LEKR1: variants seen among roughly 807,000 people sequenced by gnomAD.
The protein encoded by LEKR1 is protein LEKR1.
A neutral mutation model predicts 72.4 loss-of-function variants in LEKR1; 59 were observed. The observed-to-expected ratio is 0.82, with a 90% CI of 0.66 to 1.01. The LOEUF (loss-of-function observed/expected upper bound fraction) is 1.01, where lower values mean the gene tolerates loss of function less well. LEKR1 is among the 50% of genes least tolerant of loss of function. LEKR1 has a pLI of 0.00. For missense variants in LEKR1, 728 were observed against 759.2 expected (o/e 0.96, Z 0.48); for synonymous variants, 257 against 263.2 (o/e 0.98, Z 0.23).
intron 5 of LEKR1, among the ~76,000 whole-genome samples, chr3:156,933,778 G>A (rs1051108719): frequency 2.0e-5 from 3 of 152,168 alleles, no homozygotes; most frequent in Admixed American, 1.3e-4. Flanking sequence ...ACATAGCTGG[G>A]AACAGTTATA....
At chr3:156,983,723 C>A (rs1278398668) in intron 7 of LEKR1, among the ~76,000 whole-genome samples, 1 of 152,184 alleles carries the variant, frequency 6.6e-6, no homozygotes, top group African/African-American at 2.4e-5. Flanking sequence ...CTGGCAGCTA[C>A]TGAATCCCAG....
intron 2 of LEKR1, among the ~76,000 whole-genome samples, chr3:156,834,681 G>A (rs1399940830): frequency 6.6e-6 from 1 of 152,156 alleles, no homozygotes; most frequent in Non-Finnish European, 1.5e-5. Flanking sequence ...TCAGAGGACA[G>A]GGCTAACTCC....
At chr3:156,897,953 C>CAA (rs553211208) in intron 3 of LEKR1, among the ~76,000 whole-genome samples, 46 of 94,976 alleles carry the variant, frequency 4.8e-4, no homozygotes, top group African/African-American at 8.9e-4. Flanking sequence ...ACTCTGTCTC[C>CAA]AAAAAAAAAA....
chr3:156,989,743 T>C, intron 7 of LEKR1, among the ~76,000 whole-genome samples: 1 of 152,126 alleles, frequency 6.6e-6, no homozygotes, highest in Non-Finnish European at 1.5e-5. Flanking sequence ...CACCTAGTGT[T>C]AACATTTTAA....
chr3:156,983,244 G>A (rs1029483029), intron 7 of LEKR1, among the ~76,000 whole-genome samples: 22 of 152,146 alleles, frequency 1.4e-4, no homozygotes, highest in Non-Finnish European at 2.6e-4. Context: ...AATAACCCAG[G>A]TGAAGAGCAA....
chr3:157,030,966 C>T (rs913027368), intron 12 of LEKR1, among the ~76,000 whole-genome samples: 1 of 152,126 alleles, frequency 6.6e-6, no homozygotes, highest in Non-Finnish European at 1.5e-5. Context: ...TTTTTGCAAC[C>T]TAATCTCGGA....
intron 2 of LEKR1, among the ~76,000 whole-genome samples, chr3:156,831,340 A>C (rs951885674): frequency 6.6e-6 from 1 of 152,246 alleles, no homozygotes; most frequent in African/African-American, 2.4e-5. Context: ...CTAGTCATTT[A>C]CACCTACATA....
At chr3:156,994,857 T>A (rs1169163627) in intron 9 of LEKR1, among the ~76,000 whole-genome samples, 1 of 152,206 alleles carries the variant, frequency 6.6e-6, no homozygotes, top group East Asian at 1.9e-4. Context: ...GCCAGATTAA[T>A]TAGGCTTAAT....
chr3:156,888,395 T>A (rs761627780), intron 3 of LEKR1: 3 of 701,182 alleles, frequency 4.3e-6, no homozygotes, highest in Non-Finnish European at 7.8e-6. Flanking sequence ...GAGCCATACA[T>A]AGGTCTGTGA....
intron 2 of LEKR1, among the ~76,000 whole-genome samples, chr3:156,839,103 CTGT>C (rs1560015012): frequency 6.6e-6 from 1 of 152,150 alleles, no homozygotes; most frequent in Non-Finnish European, 1.5e-5. Flanking sequence ...TAGGCCAAAT[CTGT>C]TGTTTTGTGC....
chr3:156,907,355 C>T (rs1437874403), intron 3 of LEKR1, among the ~76,000 whole-genome samples: 5 of 151,996 alleles, frequency 3.3e-5, no homozygotes, highest in Non-Finnish European at 7.4e-5. Flanking sequence ...TTGCATTTTT[C>T]CCCATTGATA....
At chr3:156,853,815 T>A (rs1254873450) in intron 3 of LEKR1, among the ~76,000 whole-genome samples, 1 of 152,118 alleles carries the variant, frequency 6.6e-6, no homozygotes, top group African/African-American at 2.4e-5. Context: ...CACATCTGAA[T>A]AATAAAGTAT....
chr3:157,006,824 T>C (rs1732474359), intron 9 of LEKR1, among the ~76,000 whole-genome samples: 1 of 152,166 alleles, frequency 6.6e-6, no homozygotes, highest in South Asian at 2.1e-4. Context: ...AGAATATATC[T>C]ACATATCCCC....
At chr3:156,971,410 A>C (rs62275834) in intron 6 of LEKR1, among the ~76,000 whole-genome samples, 4,821 of 152,198 alleles carry the variant, frequency 0.032, 116 homozygotes, top group Non-Finnish European at 0.047. Flanking sequence ...TAGGCAATAC[A>C]ATTCAGGACA....
chr3:156,880,316 A>T (rs1234061589), intron 3 of LEKR1, among the ~76,000 whole-genome samples: 1 of 152,208 alleles, frequency 6.6e-6, no homozygotes, highest in Non-Finnish European at 1.5e-5. Context: ...ACTGCAGGGG[A>T]TATCACCACC....
At chr3:156,973,131 A>ATTTGTG (rs1729387818) in intron 6 of LEKR1, among the ~76,000 whole-genome samples, 1 of 152,092 alleles carries the variant, frequency 6.6e-6, no homozygotes, top group Admixed American at 6.6e-5. Flanking sequence ...TTAATTCTAA[A>ATTTGTG]CATATTTGCA....
chr3:156,967,080 A>G (rs989951849), intron 6 of LEKR1, among the ~76,000 whole-genome samples: 3 of 152,220 alleles, frequency 2.0e-5, no homozygotes, highest in Admixed American at 1.3e-4. Flanking sequence ...GACTGTTAGA[A>G]GGAAAACTAA....
At chr3:157,018,003 A>G (rs1168568699) in intron 10 of LEKR1, among the ~76,000 whole-genome samples, 1 of 151,890 alleles carries the variant, frequency 6.6e-6, no homozygotes, top group Non-Finnish European at 1.5e-5. Flanking sequence ...TACTATCAAC[A>G]AAGTAGATTT....
At chr3:156,993,405 C>A in intron 9 of LEKR1, 128 bp downstream of exon 9, 1 of 564,168 alleles carries the variant, frequency 1.8e-6, no homozygotes, top group South Asian at 3.7e-5. Context: ...TATATTTCTC[C>A]TACAAGGTCA....
Sources: allele counts gnomAD v4.1 joint callset (sites outside exome capture counted in the v4.1 genomes callset), GRCh38; gene constraint gnomAD v4.1.1; transcripts MANE v1.5; gene names NCBI Gene and HGNC (gene_info 2026-07-23, HGNC 2026-07-21).